ENOX1: variants seen among roughly 807,000 people sequenced by gnomAD.
ENOX1 encodes the protein candidate growth-related and time keeping constitutive hydroquinone (NADH) oxidase.
Under a neutral mutation model 82.5 loss-of-function variants are expected in ENOX1, and 42 were observed. That is an observed-to-expected ratio of 0.51 (90% CI 0.40 to 0.66). ENOX1 has a LOEUF of 0.66. Among genes scored for constraint, ENOX1 ranks in the 30% least tolerant of loss-of-function variants. The pLI is 0.00. For synonymous variants in ENOX1, 271 were observed against 282.2 expected (o/e 0.96, Z 0.40); for missense variants, 608 against 811.6 (o/e 0.75, Z 3.05).
chr13:43,299,260 C>T (rs1201924535), intron 11 of ENOX1, among the ~76,000 whole-genome samples: 1 of 152,164 alleles, frequency 6.6e-6, no homozygotes, highest in Non-Finnish European at 1.5e-5. Context: ...GGGTCTCACA[C>T]ATCTCAAGGC....
intron 14 of ENOX1, among the ~76,000 whole-genome samples, chr13:43,255,052 A>G (rs556446807): frequency 6.6e-6 from 1 of 152,314 alleles, no homozygotes; most frequent in African/African-American, 2.4e-5. Flanking sequence ...CCTCAACAAA[A>G]TACCAGCAAA....
At chr13:43,310,766 A>G (rs1477528113) in intron 11 of ENOX1, among the ~76,000 whole-genome samples, 1 of 152,192 alleles carries the variant, frequency 6.6e-6, no homozygotes, top group African/African-American at 2.4e-5. Flanking sequence ...ATAGTTTATC[A>G]TTTGCAAAAA....
chr13:43,698,046 A>C (rs1441280212), intron 1 of ENOX1, among the ~76,000 whole-genome samples: 1 of 152,252 alleles, frequency 6.6e-6, no homozygotes, highest in Non-Finnish European at 1.5e-5. Context: ...TGGTGGATAC[A>C]TTCAAACACT....
chr13:43,309,941 C>T (rs149835224), intron 11 of ENOX1, among the ~76,000 whole-genome samples: 2,078 of 152,226 alleles, frequency 0.014, 38 homozygotes, highest in African/African-American at 0.047. Context: ...TGGTGGCTCA[C>T]GCCTGTAATC....
At chr13:43,317,272 G>A (rs1593893500) in intron 11 of ENOX1, among the ~76,000 whole-genome samples, 2 of 152,194 alleles carry the variant, frequency 1.3e-5, no homozygotes, top group East Asian at 3.9e-4. Context: ...TTCTACCAGT[G>A]TGAATGACAG....
intron 2 of ENOX1, among the ~76,000 whole-genome samples, chr13:43,543,190 T>C (rs2078818812): frequency 6.6e-6 from 1 of 152,072 alleles, no homozygotes; most frequent in African/African-American, 2.4e-5. Flanking sequence ...TTCTACTGTT[T>C]GTTATAGTGA....
chr13:43,633,488 A>G (rs1165112532), intron 2 of ENOX1, among the ~76,000 whole-genome samples: 1 of 152,214 alleles, frequency 6.6e-6, no homozygotes, highest in Non-Finnish European at 1.5e-5. Flanking sequence ...GGATCCACAA[A>G]TAAGTCCACG....
intron 1 of ENOX1, among the ~76,000 whole-genome samples, chr13:43,697,576 A>G (rs1281608039): frequency 6.6e-6 from 1 of 152,202 alleles, no homozygotes; most frequent in Non-Finnish European, 1.5e-5. Flanking sequence ...GTCACAGGCT[A>G]GCCATATCAG....
At chr13:43,735,194 T>C (rs576108824) in intron 1 of ENOX1, among the ~76,000 whole-genome samples, 1 of 152,290 alleles carries the variant, frequency 6.6e-6, no homozygotes, top group South Asian at 2.1e-4. Context: ...TTTAAATGTA[T>C]CAGAAAGCAT....
intron 1 of ENOX1, among the ~76,000 whole-genome samples, chr13:43,707,477 T>TGTAATCCCA (rs2087373395): frequency 6.6e-6 from 1 of 152,144 alleles, no homozygotes. Context: ...GGCTCACGCC[T>TGTAATCCCA]GTAATCCCAG....
In ENOX1 at chr13:43,596,863, A is replaced by G. The variant is rs944017150; in HGVS notation, c.-219+70616T>C. On this transcript the variant is annotated intron_variant, in intron 2 of 16. Coordinates refer to ENST00000690772, the MANE Select transcript of ENOX1 (RefSeq NM_001347969.2). ...CCTATGCTTGGGCAAGTGCTGTGCT[A>G]GGCAACAGGAATGTAATGGTAAAAA... is the stretch of plus-strand genomic sequence containing the variant. 4.6e-5 allele frequency among the ~76,000 whole-genome samples: 7 copies of G among 152,230 alleles called. No homozygotes were observed. In the East Asian group the frequency reaches 1.2e-3, roughly 25 times the overall value.
chr13:43,489,482 G>T (rs957954381), intron 2 of ENOX1, among the ~76,000 whole-genome samples: 1 of 152,184 alleles, frequency 6.6e-6, no homozygotes, highest in Non-Finnish European at 1.5e-5. Flanking sequence ...ACCTAGGCAT[G>T]AACTTGCTTG....
intron 2 of ENOX1, among the ~76,000 whole-genome samples, chr13:43,576,618 T>TA (rs1309976300): frequency 1.3e-5 from 2 of 152,210 alleles, no homozygotes; most frequent in African/African-American, 4.8e-5. Context: ...ACCTTGATTT[T>TA]AGCCCATGAG....
intron 1 of ENOX1, among the ~76,000 whole-genome samples, chr13:43,679,123 G>T (rs959848988): frequency 2.0e-5 from 3 of 152,130 alleles, no homozygotes; most frequent in Admixed American, 2.0e-4. Flanking sequence ...TGAGCAGCAG[G>T]TTGAAAGAAC....
At chr13:43,515,014 T>C (rs1266766145) in intron 2 of ENOX1, among the ~76,000 whole-genome samples, 2 of 152,290 alleles carry the variant, frequency 1.3e-5, no homozygotes, top group African/African-American at 2.4e-5. Context: ...CATCAGTAAC[T>C]TTCAGATACA....
chr13:43,710,009 T>C (rs1181100531), intron 1 of ENOX1, among the ~76,000 whole-genome samples: 1 of 152,160 alleles, frequency 6.6e-6, no homozygotes, highest in Non-Finnish European at 1.5e-5. Flanking sequence ...GCCCAGCATA[T>C]GTGATAAGAA....
At chr13:43,456,777 G>C (rs1252685441) in intron 3 of ENOX1, among the ~76,000 whole-genome samples, 1 of 152,166 alleles carries the variant, frequency 6.6e-6, no homozygotes, top group South Asian at 2.1e-4. Context: ...GAGCTAGGGA[G>C]GGCAGGGCCT....
chr13:43,630,502 T>C (rs553165956), intron 2 of ENOX1, among the ~76,000 whole-genome samples: 2 of 152,160 alleles, frequency 1.3e-5, no homozygotes, highest in Middle Eastern at 3.4e-3. Context: ...TAATACACAG[T>C]CCCCAGAAGG....
intron 1 of ENOX1, among the ~76,000 whole-genome samples, chr13:43,738,836 G>A (rs1021881118): frequency 4.6e-5 from 7 of 152,154 alleles, no homozygotes; most frequent in African/African-American, 1.7e-4. Context: ...CAAAGCAAGA[G>A]GTATTGCCTT....
Sources: gnomAD v4.1 joint callset for allele counts (sites outside exome capture counted in the v4.1 genomes callset) on GRCh38, gnomAD v4.1.1 for gene constraint, MANE v1.5 for transcripts, NCBI Gene and HGNC (gene_info 2026-07-23, HGNC 2026-07-21) for gene names.